The following ZNF280C variants were observed in gnomAD, a reference collection of about 807,000 sequenced individuals.
The protein encoded by ZNF280C is suppressor of hairy wing homolog 3.
In ZNF280C, 14 loss-of-function variants were observed where a neutral mutation model predicts 53.6. The ratio of observed to expected loss-of-function variants is 0.26; its 90% CI spans 0.17 to 0.41. The LOEUF (loss-of-function observed/expected upper bound fraction) is 0.41, where lower values mean the gene tolerates loss of function less well. Ranked by LOEUF, ZNF280C falls within the 10% of genes least tolerant of loss-of-function variation. The probability of loss-of-function intolerance (pLI) is 1.00; values close to 1 mark genes in which losing one functional copy is unlikely to be tolerated. For synonymous variants in ZNF280C, 203 were observed against 181.1 expected, an observed-to-expected ratio of 1.12 and a Z score of -0.97; for missense variants, 416 against 547.1, an observed-to-expected ratio of 0.76 and a Z score of 2.39.
intron 5 of ZNF280C, among the ~76,000 whole-genome samples, chrX:130,242,800 C>A (rs1237586874): frequency 8.9e-6 from 1 of 111,952 alleles, no homozygotes; most frequent in African/African-American, 3.2e-5. Flanking sequence ...CCTCGGCCTC[C>A]CAAAGTGCTG....
intron 1 of ZNF280C, among the ~76,000 whole-genome samples, chrX:130,263,320 AG>A (rs1344267469): frequency 8.9e-5 from 10 of 112,722 alleles, no homozygotes; most frequent in Admixed American, 7.5e-4. Context: ...CCATCAACTC[AG>A]GAATGGACAA....
chrX:130,236,455 G>T lies in ZNF280C; in HGVS notation c.664+14C>A. On this transcript the variant is annotated intron_variant, in intron 7 of 18. Transcript: ENST00000370978. ...TAATACTATTTTTTTTTACATGTCA[G>T]ATTTCATGTTTACCTTTTGACAGCA... is the stretch of plus-strand genomic sequence containing the variant. 2 of 1,172,421 alleles carry T rather than the reference G, an allele frequency of 1.7e-6. No homozygotes were observed. The highest frequency in any genetic ancestry group is 2.3e-6 in the Non-Finnish European group (2 of 877,909).
At chrX:130,228,576 C>T (rs2032244815) in intron 10 of ZNF280C, among the ~76,000 whole-genome samples, 1 of 108,536 alleles carries the variant, frequency 9.2e-6, no homozygotes, top group Non-Finnish European at 1.9e-5. Context: ...AGCCACTGCG[C>T]CCGACCAAGG....
intron 13 of ZNF280C, among the ~76,000 whole-genome samples, chrX:130,216,963 G>T (rs931216160): frequency 9.0e-6 from 1 of 111,537 alleles, no homozygotes; most frequent in African/African-American, 3.3e-5. Context: ...TCGCACCACT[G>T]CACTCCAGCC....
intron 7 of ZNF280C, 30 bp downstream of exon 7, chrX:130,236,439 T>A (rs753952528): frequency 1.7e-6 from 2 of 1,153,948 alleles, no homozygotes; most frequent in Admixed American, 5.4e-5. Context: ...ATAATACTAT[T>A]TTTTTTTACA....
chrX:130,210,893 T>G (rs942868724), intron 15 of ZNF280C, among the ~76,000 whole-genome samples: 2 of 112,536 alleles, frequency 1.8e-5, no homozygotes, highest in African/African-American at 6.5e-5. Context: ...AGAAGCTTGT[T>G]AGAAACACAA....
At chrX:130,207,258 G>A (rs1240756821) in intron 16 of ZNF280C, among the ~76,000 whole-genome samples, 1 of 111,630 alleles carries the variant, frequency 9.0e-6, no homozygotes, top group Non-Finnish European at 1.9e-5. Flanking sequence ...AACATCAATG[G>A]CTTCCCCAAT....
intron 12 of ZNF280C, among the ~76,000 whole-genome samples, chrX:130,222,290 ACACACACAC>A (rs2032174924): frequency 1.0e-5 from 1 of 99,120 alleles, no homozygotes; most frequent in African/African-American, 3.8e-5. Flanking sequence ...ACACACACAC[ACACACACAC>A]ACACACACAC....
intron 2 of ZNF280C, among the ~76,000 whole-genome samples, 179 bp from the exon 3 acceptor site, chrX:130,247,184 CT>C (rs1444004265): frequency 2.7e-5 from 3 of 112,350 alleles, no homozygotes; most frequent in African/African-American, 9.7e-5. Flanking sequence ...TCTCGGCTCA[CT>C]GCAACCTCCG....
chrX:130,264,069 AAG>A (rs928962384), intron 1 of ZNF280C, among the ~76,000 whole-genome samples: 4 of 109,123 alleles, frequency 3.7e-5, no homozygotes, highest in African/African-American at 1.3e-4. Context: ...GAAAGAAAGA[AAG>A]AAAAAATAAT....
intron 13 of ZNF280C, among the ~76,000 whole-genome samples, chrX:130,217,576 G>C (rs750708348): frequency 9.0e-6 from 1 of 111,535 alleles, no homozygotes; most frequent in South Asian, 3.7e-4. Flanking sequence ...ACTGTAAATG[G>C]GTAAATTGTG....
At chrX:130,267,708 T>C (rs1487436659) in intron 1 of ZNF280C, among the ~76,000 whole-genome samples, 2 of 112,035 alleles carry the variant, frequency 1.8e-5, no homozygotes, top group Non-Finnish European at 3.8e-5. Flanking sequence ...CGTAAGGAGA[T>C]TAAGTTTGCA....
At chrX:130,214,478 A>G (rs209236) in intron 15 of ZNF280C, among the ~76,000 whole-genome samples, 55,117 of 109,695 alleles carry the variant, frequency 0.5, 10,813 homozygotes, top group African/African-American at 0.72. Context: ...AAAGCCTGGA[A>G]CCTCTCAAAG....
intron 14 of ZNF280C, 119 bp downstream of exon 14, chrX:130,215,672 G>A (rs1049441884): frequency 2.8e-6 from 2 of 706,273 alleles, no homozygotes; most frequent in Non-Finnish European, 4.0e-6. Context: ...TTTCTCATTT[G>A]CTTGGTCTTT....
At chrX:130,251,105 A>G (rs1338282995) in intron 2 of ZNF280C, among the ~76,000 whole-genome samples, 2 of 102,201 alleles carry the variant, frequency 2.0e-5, no homozygotes, top group African/African-American at 7.3e-5. Flanking sequence ...AAAAAAATAA[A>G]ATAATAATAA....
chrX:130,215,329 G>A lies in ZNF280C; in HGVS notation c.1843C>T (p.Arg615Cys), dbSNP rs1197971369. 3 of 1,182,764 alleles carry A rather than the reference G, an allele frequency of 2.5e-6. No individual in the cohort carries two copies. Among genetic ancestry groups the A allele is most frequent in the Non-Finnish European group, 2.3e-6 (2 of 881,292 alleles). Residue 615 changes from arginine to cysteine, a missense_variant, in exon 15 of 19, where the codon CGT (arginine) becomes TGT (cysteine). By Grantham distance (180) the Arg-to-Cys change is radical. This residue lies in a region of ZNF280C where 151 missense variants were observed against 176.9 expected (regional missense o/e 0.85). Transcript: ENST00000370978. ...MSLALKNIRCRRGIHKCIECH... is the reference protein window; with the variant it reads ...MSLALKNIRCCRGIHKCIECH... ...TCAATGCACTTGTGAATTCCCCGAC[G>A]ACACCTTATGGAGACGGAAAAAAAA...
intron 2 of ZNF280C, among the ~76,000 whole-genome samples, chrX:130,252,447 T>C (rs191990510): frequency 9.0e-6 from 1 of 111,121 alleles, no homozygotes; most frequent in Admixed American, 9.5e-5. Flanking sequence ...AACGGTCAGG[T>C]GTGGTGGCTC....
chrX:130,231,256 A>C (rs1367977839), intron 8 of ZNF280C, among the ~76,000 whole-genome samples: 2 of 111,377 alleles, frequency 1.8e-5, no homozygotes, highest in Non-Finnish European at 3.8e-5. Context: ...AGACACCTAC[A>C]CTTGTATGTT....
At chrX:130,233,004 C>T (rs1273013173) in intron 8 of ZNF280C, among the ~76,000 whole-genome samples, 1 of 111,303 alleles carries the variant, frequency 9.0e-6, no homozygotes, top group African/African-American at 3.3e-5. Context: ...CACACACACA[C>T]AAATGAAATA....
Sources: gnomAD v4.1 joint callset for allele counts (sites outside exome capture counted in the v4.1 genomes callset) on GRCh38, gnomAD v4.1.1 for gene constraint, gnomAD v4.1.1 regional missense constraint, MANE v1.5 for transcripts, NCBI Gene and HGNC (gene_info 2026-07-23, HGNC 2026-07-21) for gene names.